Variants in ZNF462 observed in about 807,000 individuals in gnomAD.
ZNF462 encodes the protein zinc finger PBX1-interacting protein.
ZNF462 carries 10 observed loss-of-function variants against 201.9 expected under a neutral mutation model. That is an observed-to-expected ratio of 0.05 (90% confidence interval 0.03 to 0.08). The LOEUF (loss-of-function observed/expected upper bound fraction) is 0.08. Ranked by LOEUF, ZNF462 falls within the 10% of genes least tolerant of loss-of-function variation. The pLI is 1.00. For missense variants in ZNF462, 2,523 were observed against 3,168.3 expected, an observed-to-expected ratio of 0.80 and a Z score of 4.89; for synonymous variants, 1,227 against 1,193.3, an observed-to-expected ratio of 1.03 and a Z score of -0.58.
At chr9:106,898,898 A>G (rs1828928870) in intron 1 of ZNF462, among the ~76,000 whole-genome samples, 1 of 151,842 alleles carries the variant, frequency 6.6e-6, no homozygotes, top group African/African-American at 2.4e-5. Flanking sequence ...GAAGTAAGGA[A>G]CATGAAAGCA....
Position 106,932,172 on chromosome 9 carries a change from G to C in ZNF462, c.6013-274G>C, listed in dbSNP as rs765999221. ...TTGACAAGAAGTGCTGTTGAGTTTG[G>C]GAGAATGTAGGGAGAAAAAGAAAGC... On this transcript the variant is annotated intron_variant, in intron 4 of 12. Transcript: ENST00000277225. This position sits in a 1 kb window ranked among gnomAD's most constrained non-coding sequence, Gnocchi z 6.8. 141 of 1,504,960 alleles carry C rather than the reference G, an allele frequency of 9.4e-5. No homozygotes were observed. Among genetic ancestry groups the C allele is most frequent in the Non-Finnish European group, 1.2e-4 (136 of 1,129,388 alleles). 93.2% of individuals were successfully genotyped at this position (1,504,960 alleles called of 1,614,324 possible).
In ZNF462 at chr9:106,899,120, C is replaced by T. The variant is rs564453315; in HGVS notation, c.-30-24234C>T. On this transcript the variant is annotated intron_variant, in intron 1 of 12. Transcript: ENST00000277225. ...TCATGTAGCTAATAAATCATAGAGT[C>T]GGGATTCAACCTCAGGCCTCTTTGA... is the stretch of plus-strand genomic sequence containing the variant. 5.3e-5 allele frequency among the ~76,000 whole-genome samples: 8 copies of T among 151,040 alleles called. No individual in the cohort carries two copies. In the South Asian group the frequency reaches 1.1e-3, roughly 20 times the overall value.
In ZNF462 at chr9:106,982,330, T is replaced by C. The variant is rs1259344460; in HGVS notation, c.6833-1856T>C. On this transcript the variant is annotated intron_variant, in intron 9 of 12. Transcript: ENST00000277225. Reference sequence around the variant, plus strand: ...ACCTAGTGGGTAGAGGCCACAGTTATTGCTAAACATCCTGCAATGCACAGG... The same window carrying C: ...ACCTAGTGGGTAGAGGCCACAGTTACTGCTAAACATCCTGCAATGCACAGG... 2.6e-5 allele frequency among the ~76,000 whole-genome samples: 4 copies of C among 152,190 alleles called. No individual in the cohort carries two copies. In the South Asian group the frequency reaches 6.2e-4, roughly 24 times the overall value.
chr9:106,956,150 A>G (rs1831563336), intron 7 of ZNF462, among the ~76,000 whole-genome samples: 1 of 152,158 alleles, frequency 6.6e-6, no homozygotes, highest in African/African-American at 2.4e-5. Flanking sequence ...TATCTATGGC[A>G]ACTGAATCCT....
At chr9:106,916,844 A>G (rs902782159) in intron 1 of ZNF462, among the ~76,000 whole-genome samples, 2 of 152,198 alleles carry the variant, frequency 1.3e-5, no homozygotes, top group Admixed American at 1.3e-4. Context: ...CCACATCTCA[A>G]GAAAATTGTC....
intron 1 of ZNF462, among the ~76,000 whole-genome samples, chr9:106,894,908 G>T (rs1336149136): frequency 6.6e-6 from 1 of 152,094 alleles, no homozygotes; most frequent in Non-Finnish European, 1.5e-5. Context: ...AGGCTATGTG[G>T]ACTGTGTTAT....
At position 106,945,509 on chromosome 9, in the gene ZNF462, T is replaced by C. The variant is rs183942990; in HGVS notation, c.6427+6402T>C. ...AAAAGAAAAAATGAGGTGGTTTCTT[T>C]AAAAACGACAATCATGAAATGGAGA... is the stretch of plus-strand genomic sequence containing the variant. On this transcript the variant is annotated intron_variant, in intron 7 of 12. Transcript: ENST00000277225. Among the ~76,000 whole-genome samples the C allele has an allele frequency of 3.3e-3, 503 of 152,326 alleles. 4 individuals are homozygous for C. Among genetic ancestry groups the C allele is most frequent in the African/African-American group, 0.012 (483 of 41,580 alleles).
Position 106,962,131 on chromosome 9 carries a change from G to A in ZNF462, c.6428-9874G>A, listed in dbSNP as rs567234298. On this transcript the variant is annotated intron_variant, in intron 7 of 12. Transcript: ENST00000277225. This position sits in a 1 kb window ranked among gnomAD's most constrained non-coding sequence, Gnocchi z 4.6. The stretch of plus-strand genomic sequence containing the variant: ...TTAGAAAAGAAAGGAATCATAGGGG[G>A]AGAAGAAACTGGAAAATGGAATGCC... Among the ~76,000 whole-genome samples, 1 of 152,096 alleles carries A rather than the reference G, an allele frequency of 6.6e-6. No homozygotes were observed. Among genetic ancestry groups the A allele is most frequent in the Admixed American group, 6.6e-5 (1 of 15,252 alleles).
chr9:106,926,174 C>A lies in ZNF462; in HGVS notation c.2262C>A (p.Ser754=). ...PTEPIIEVPT[S]FSAQQIWVRD... The stretch of plus-strand genomic sequence containing the variant: ...AACCCATCATAGAGGTTCCCACTTC[C>A]TTTTCTGCCCAACAGATATGGGTAA... The change falls in exon 3 of 13, where the codon TCC becomes TCA. Residue 754 remains serine (S), a synonymous_variant. Transcript: ENST00000277225. This position sits in a 1 kb window ranked among gnomAD's most constrained non-coding sequence, Gnocchi z 7.9. 1.2e-6 allele frequency: 2 copies of A among 1,614,184 alleles called. No homozygotes were observed.
rs766141979 is a variant in ZNF462, at chr9:106,926,003, C to T, written c.2091C>T (p.Asp697=). The change falls in exon 3 of 13, where the codon GAC becomes GAT. Residue 697 remains aspartate (D), a synonymous_variant. Transcript: ENST00000277225. The surrounding 1 kb of genome is among the most constrained non-coding windows in gnomAD (Gnocchi z 7.9). ...CCGTGAAGAAGAGAACCAGGATTGACGAGATAGCAAGCAACCTTCAGAGCA... is the reference window on the plus strand; with the variant it reads ...CCGTGAAGAAGAGAACCAGGATTGATGAGATAGCAAGCAACCTTCAGAGCA... ...LSPVKKRTRI[D]EIASNLQSKI... is the part of the protein sequence containing the mutation. The T allele has an allele frequency of 4.4e-5, 71 of 1,614,052 alleles. No individual in the cohort carries two copies. Among genetic ancestry groups the T allele is most frequent in the Non-Finnish European group, 5.4e-5 (64 of 1,180,056 alleles).
chr9:106,867,761 G>A (rs1236077395), intron 1 of ZNF462, among the ~76,000 whole-genome samples: 2 of 152,118 alleles, frequency 1.3e-5, no homozygotes, highest in African/African-American at 2.4e-5. Context: ...ATAGGGTCTA[G>A]TCTGTCTTAA....
In ZNF462 at chr9:106,927,205, C is replaced by T; in HGVS notation, c.3293C>T (p.Ser1098Phe). ...PMSPKMSNMG[S>F]PPPPQPPPPD... ...TCTCCCAAAATGTCCAACATGGGTTCCCCACCCCCCCCACAACCCCCGCCA... is the reference window on the plus strand; with the variant it reads ...TCTCCCAAAATGTCCAACATGGGTTTCCCACCCCCCCCACAACCCCCGCCA... Residue 1098 changes from serine (S) to phenylalanine (F), a missense_variant, in exon 3 of 13, where the codon TCC (serine) becomes TTC (phenylalanine). Coordinates refer to ENST00000277225, the MANE Select transcript of ZNF462 (RefSeq NM_021224.6). The T allele has an allele frequency of 3.7e-6, 3 of 813,894 alleles. No homozygotes were observed. The highest frequency in any genetic ancestry group is 5.8e-6 in the Non-Finnish European group (3 of 514,910). The allele number at this position is 813,894 out of a possible 1,614,324, so 50.4% of individuals were successfully genotyped here.
intron 1 of ZNF462, among the ~76,000 whole-genome samples, chr9:106,884,085 C>T (rs1828216303): frequency 1.3e-5 from 2 of 152,146 alleles, no homozygotes; most frequent in South Asian, 4.1e-4. Flanking sequence ...AGCAGTGATT[C>T]CTAAACCAGG....
At chr9:106,864,039 G>GCTCTCTCTCTCTCCCTCTCTCT (rs1827180118) in intron 1 of ZNF462, among the ~76,000 whole-genome samples, 1 of 22,722 alleles carries the variant, frequency 4.4e-5, no homozygotes, top group Non-Finnish European at 1.0e-4. Flanking sequence ...CAGGTATTTG[G>GCTCTCTCTCTCTCCCTCTCTCT]CTCTCTCTCT....
intron 1 of ZNF462, among the ~76,000 whole-genome samples, chr9:106,864,083 TCTCTCTCTCTCTCTCTCTCTCTC>T (rs1564062587): frequency 3.9e-5 from 5 of 128,910 alleles, no homozygotes; most frequent in Non-Finnish European, 8.8e-5. Flanking sequence ...TCTCTCTCTC[TCTCTCTCTCTCTCTCTCTCTCTC>T]TCTCCCTCTC....
chr9:106,975,866 A>G (rs1211031658), intron 9 of ZNF462: 2 of 152,324 alleles, frequency 1.3e-5, no homozygotes, highest in Non-Finnish European at 2.9e-5. Flanking sequence ...GCAAAGAGAG[A>G]TTAAACACTA....
In ZNF462 at chr9:106,963,107, A is replaced by G. The variant is rs534542757; in HGVS notation, c.6428-8898A>G. On this transcript the variant is annotated intron_variant, in intron 7 of 12. Coordinates refer to ENST00000277225, the MANE Select transcript of ZNF462 (RefSeq NM_021224.6). This position sits in a 1 kb window ranked among gnomAD's most constrained non-coding sequence, Gnocchi z 4.7. ...AAAGAACATTTTTGAGGCTCTTCAGAGGAAATACTTGGAAAGTTGCATTGG... is the reference window on the plus strand; with the variant it reads ...AAAGAACATTTTTGAGGCTCTTCAGGGGAAATACTTGGAAAGTTGCATTGG... Among the ~76,000 whole-genome samples, 2 of 152,212 alleles carry G rather than the reference A, an allele frequency of 1.3e-5. No individual in the cohort carries two copies. Among genetic ancestry groups the G allele is most frequent in the Admixed American group, 1.3e-4 (2 of 15,276 alleles).
chr9:106,952,260 A>G (rs1247709205), intron 7 of ZNF462, among the ~76,000 whole-genome samples: 1 of 152,222 alleles, frequency 6.6e-6, no homozygotes, highest in African/African-American at 2.4e-5. Context: ...TCTAATATGC[A>G]AAATAATGAT....
Position 106,923,728 on chromosome 9 carries a change from T to G in ZNF462, c.220+125T>G. 11 of 986,636 alleles carry G rather than the reference T, an allele frequency of 1.1e-5. No homozygotes were observed. The highest frequency in any genetic ancestry group is 1.3e-5 in the Non-Finnish European group (9 of 671,672). 61.1% of individuals were successfully genotyped at this position (986,636 alleles called of 1,614,324 possible). ...GTTTCTTGTGCTTTGCTAGCCATTTTTGTGGTTTGGGCATCATGTATCTCT... is the reference window on the plus strand; with the variant it reads ...GTTTCTTGTGCTTTGCTAGCCATTTGTGTGGTTTGGGCATCATGTATCTCT... On this transcript the variant is annotated intron_variant, in intron 2 of 12. Coordinates refer to ENST00000277225, the MANE Select transcript of ZNF462 (RefSeq NM_021224.6). The surrounding 1 kb of genome is among the most constrained non-coding windows in gnomAD (Gnocchi z 5.6).
Sources: allele counts gnomAD v4.1 joint callset (sites outside exome capture counted in the v4.1 genomes callset), GRCh38; gene constraint gnomAD v4.1.1; non-coding constraint Gnocchi (gnomAD v3.1); transcripts MANE v1.5; gene names NCBI Gene and HGNC (gene_info 2026-07-23, HGNC 2026-07-21).